The following BANK1 variants were observed in gnomAD, a reference collection of about 807,000 sequenced individuals.
BANK1 encodes B-cell scaffold protein with ankyrin repeats.
Under a neutral mutation model 94.5 loss-of-function variants are expected in BANK1, and 95 were observed. That is an observed-to-expected ratio of 1.00 (90% CI 0.85 to 1.19). BANK1 has a LOEUF of 1.19. Ranked by LOEUF, BANK1 falls within the 50% of genes most tolerant of loss-of-function variation. The probability of loss-of-function intolerance (pLI) is 0.00; values close to 1 mark genes in which losing one functional copy is unlikely to be tolerated. For synonymous variants in BANK1, 334 were observed against 308.4 expected (o/e 1.08, Z -0.87); for missense variants, 987 against 932.2 (o/e 1.06, Z -0.77).
At chr4:101,845,544 A>G (rs1439384138) in intron 2 of BANK1, among the ~76,000 whole-genome samples, 1 of 152,200 alleles carries the variant, frequency 6.6e-6, no homozygotes, top group Non-Finnish European at 1.5e-5. Context: ...TAGACCAAGA[A>G]GAATCATTAT....
chr4:102,036,188 T>C (rs1727509546), intron 10 of BANK1, among the ~76,000 whole-genome samples: 1 of 152,234 alleles, frequency 6.6e-6, no homozygotes, highest in African/African-American at 2.4e-5. Context: ...CCTTGGCATT[T>C]TGCAGTGCAA....
intron 7 of BANK1, among the ~76,000 whole-genome samples, chr4:102,018,140 G>T (rs1362331443): frequency 2.0e-5 from 3 of 151,958 alleles, no homozygotes; most frequent in African/African-American, 7.2e-5. Flanking sequence ...TGTTATTTAT[G>T]GTTTTAGTAT....
chr4:101,872,217 C>T (rs1290855816), intron 5 of BANK1, among the ~76,000 whole-genome samples: 2 of 152,006 alleles, frequency 1.3e-5, no homozygotes, highest in African/African-American at 4.8e-5. Context: ...TTACTCTAAC[C>T]CAGTGGCAGC....
chr4:101,953,684 G>A (rs1281308353), intron 7 of BANK1, among the ~76,000 whole-genome samples: 1 of 152,030 alleles, frequency 6.6e-6, no homozygotes, highest in African/African-American at 2.4e-5. Flanking sequence ...TTTGTAAGTT[G>A]TGACTTTTCT....
intron 7 of BANK1, among the ~76,000 whole-genome samples, chr4:101,978,690 T>TG (rs1314625357): frequency 1.3e-5 from 2 of 151,832 alleles, no homozygotes; most frequent in Admixed American, 1.3e-4. Context: ...TTCTTTCCAT[T>TG]GAAAAAAAAA....
chr4:102,041,776 A>C (rs1197663774), intron 10 of BANK1, among the ~76,000 whole-genome samples: 1 of 151,992 alleles, frequency 6.6e-6, no homozygotes, highest in Admixed American at 6.6e-5. Context: ...CGCGACAATA[A>C]ATATCCTTGT....
intron 7 of BANK1, among the ~76,000 whole-genome samples, chr4:101,975,921 G>A (rs372448847): frequency 1.6e-4 from 24 of 152,054 alleles, no homozygotes; most frequent in East Asian, 1.5e-3. Context: ...TTCTCTGTGC[G>A]AATTTCCGCA....
At chr4:102,067,071 A>G (rs1391497021) in intron 13 of BANK1, among the ~76,000 whole-genome samples, 1 of 152,152 alleles carries the variant, frequency 6.6e-6, no homozygotes, top group Non-Finnish European at 1.5e-5. Context: ...TAAGGGGTAT[A>G]CTACTGTCTC....
intron 7 of BANK1, among the ~76,000 whole-genome samples, chr4:102,004,827 T>C (rs573294406): frequency 3.9e-5 from 6 of 152,234 alleles, no homozygotes; most frequent in African/African-American, 7.2e-5. Context: ...AAAAGATTAT[T>C]ATGTGCCTTT....
intron 7 of BANK1, among the ~76,000 whole-genome samples, chr4:101,919,635 T>G (rs762073216): frequency 2.6e-5 from 4 of 152,052 alleles, no homozygotes; most frequent in African/African-American, 9.7e-5. Context: ...CATTCTAATT[T>G]TACAGTTATA....
chr4:101,923,392 C>CAGCT (rs1723062531), intron 7 of BANK1, among the ~76,000 whole-genome samples: 1 of 151,624 alleles, frequency 6.6e-6, no homozygotes, highest in African/African-American at 2.4e-5. Flanking sequence ...TTGCATTTAG[C>CAGCT]TCACTACTAA....
At chr4:101,941,726 C>T (rs911511756) in intron 7 of BANK1, among the ~76,000 whole-genome samples, 2 of 141,552 alleles carry the variant, frequency 1.4e-5, no homozygotes, top group African/African-American at 2.5e-5. Context: ...TATATATATG[C>T]TTTCAGATGT....
At chr4:101,891,925 C>T (rs1212054596) in intron 5 of BANK1, among the ~76,000 whole-genome samples, 4 of 151,850 alleles carry the variant, frequency 2.6e-5, no homozygotes, top group Non-Finnish European at 5.9e-5. Context: ...ATTATAATTG[C>T]TTGCTGAACT....
intron 6 of BANK1, among the ~76,000 whole-genome samples, chr4:101,908,911 G>A (rs1407244723): frequency 2.0e-5 from 3 of 152,164 alleles, no homozygotes; most frequent in East Asian, 3.8e-4. Flanking sequence ...GAAACAACAG[G>A]TGCTGGAGAG....
intron 3 of BANK1, 48 bp downstream of exon 3, chr4:101,855,237 G>T: frequency 6.5e-7 from 1 of 1,541,262 alleles, no homozygotes; most frequent in Non-Finnish European, 8.8e-7. Flanking sequence ...GTGTTATGGT[G>T]GTGGTGGTGG....
chr4:101,847,736 TACACAC>T (rs35196238), intron 2 of BANK1, among the ~76,000 whole-genome samples: 4,763 of 145,652 alleles, frequency 0.033, 105 homozygotes, highest in Middle Eastern at 0.049. Flanking sequence ...TATTCCATCA[TACACAC>T]ACACACACAC....
At chr4:101,877,129 A>G (rs1057313276) in intron 5 of BANK1, among the ~76,000 whole-genome samples, 2 of 152,194 alleles carry the variant, frequency 1.3e-5, no homozygotes, top group Non-Finnish European at 2.9e-5. Context: ...AGGGGTAGAA[A>G]GTTTATTCAA....
At chr4:102,034,827 G>A (rs567445165) in intron 10 of BANK1, among the ~76,000 whole-genome samples, 4 of 152,170 alleles carry the variant, frequency 2.6e-5, no homozygotes, top group Non-Finnish European at 5.9e-5. Flanking sequence ...GCAGGATTTG[G>A]ACCCAGATTA....
Position 101,918,184 on chromosome 4 carries a change from T to A in BANK1, c.1201T>A (p.Phe401Ile). 6.4e-7 allele frequency: 1 copy of A among 1,559,512 alleles called. No homozygotes were observed. Among genetic ancestry groups the A allele is most frequent in the Non-Finnish European group, 8.7e-7 (1 of 1,150,710 alleles). The change falls in exon 7 of 17, where the codon TTT becomes ATT. Residue 401 changes from phenylalanine to isoleucine, a missense_variant. Phe to Ile is a conservative substitution (Grantham distance 21). Coordinates refer to ENST00000322953, the MANE Select transcript of BANK1 (RefSeq NM_017935.5). ...HKELKKIFED[F>I]SIQEIDINNE... Reference sequence around the variant, plus strand: ...AGAACTCAAGAAAATCTTCGAAGACTTTTCAGTAAGTTTTTTTTTTAAATT... The same window carrying A: ...AGAACTCAAGAAAATCTTCGAAGACATTTCAGTAAGTTTTTTTTTTAAATT...
Sources: allele counts gnomAD v4.1 joint callset (sites outside exome capture counted in the v4.1 genomes callset), GRCh38; gene constraint gnomAD v4.1.1; transcripts MANE v1.5; gene names NCBI Gene and HGNC (gene_info 2026-07-23, HGNC 2026-07-21).